The following MBNL2 variants were observed in gnomAD, a reference collection of about 807,000 sequenced individuals.
The protein encoded by MBNL2 is muscleblind-like protein 2.
In MBNL2, 17 loss-of-function variants were observed where a neutral mutation model predicts 41.9. The observed-to-expected ratio is 0.41, with a 90% CI of 0.28 to 0.61. MBNL2 has a LOEUF of 0.61. MBNL2 is among the 20% of genes least tolerant of loss of function. The pLI is 0.35. For synonymous variants in MBNL2, 195 were observed against 182.9 expected, an observed-to-expected ratio of 1.07 and a Z score of -0.53; for missense variants, 336 against 505.6, an observed-to-expected ratio of 0.66 and a Z score of 3.22.
intron 1 of MBNL2, among the ~76,000 whole-genome samples, chr13:97,263,096 G>C (rs752547840): frequency 6.6e-6 from 1 of 151,822 alleles, no homozygotes; most frequent in Non-Finnish European, 1.5e-5. Context: ...CTTGAAGTCC[G>C]TTTTGATCCA....
At chr13:97,172,894 G>C in the MBNL2 span, 3 of 152,046 alleles carry the variant, frequency 2.0e-5, no homozygotes, top group African/African-American at 7.3e-5. Context: ...GTTTAGCACA[G>C]AGTGGAGGCT....
At chr13:97,255,547 A>T (rs1025493301) in intron 1 of MBNL2, among the ~76,000 whole-genome samples, 3 of 152,168 alleles carry the variant, frequency 2.0e-5, no homozygotes, top group African/African-American at 7.2e-5. Context: ...CTAGCATGTG[A>T]CTGTGCAGGA....
the MBNL2 span, among the ~76,000 whole-genome samples, chr13:97,164,077 G>A: frequency 1.3e-5 from 2 of 152,160 alleles, no homozygotes; most frequent in Non-Finnish European, 2.9e-5. Flanking sequence ...CACAATCTTG[G>A]CTCACTGCAG....
At chr13:97,361,463 A>G (rs918562946) in intron 7 of MBNL2, among the ~76,000 whole-genome samples, 12 of 152,198 alleles carry the variant, frequency 7.9e-5, no homozygotes, top group African/African-American at 2.9e-4. Flanking sequence ...GAAGATCAGG[A>G]CCAGAATCTG....
intron 1 of MBNL2, among the ~76,000 whole-genome samples, chr13:97,264,788 T>C (rs1483726982): frequency 6.6e-6 from 1 of 152,142 alleles, no homozygotes; most frequent in Non-Finnish European, 1.5e-5. Context: ...CAGCTGAAAG[T>C]GGTTCTGTCC....
chr13:97,352,064 T>A (rs966583612), intron 5 of MBNL2, among the ~76,000 whole-genome samples: 12 of 141,062 alleles, frequency 8.5e-5, no homozygotes, highest in South Asian at 2.2e-4. Context: ...AAATAAATAA[T>A]AAATAAATAA....
intron 8 of MBNL2, among the ~76,000 whole-genome samples, chr13:97,387,744 G>A (rs564218776): frequency 1.4e-4 from 21 of 152,302 alleles, no homozygotes; most frequent in Admixed American, 8.5e-4. Flanking sequence ...AATTATGCAC[G>A]TCATCTTTTC....
chr13:97,154,690 A>G, the MBNL2 span, among the ~76,000 whole-genome samples: 9 of 152,228 alleles, frequency 5.9e-5, 1 homozygote, highest in South Asian at 1.0e-3. Context: ...AGGCAACACA[A>G]ACTAGAATTT....
At chr13:97,159,802 C>T in the MBNL2 span, among the ~76,000 whole-genome samples, 50 of 151,362 alleles carry the variant, frequency 3.3e-4, no homozygotes, top group South Asian at 3.0e-3. Context: ...GAGGGTAACC[C>T]GACCTTTCTC....
chr13:97,344,707 A>C (rs777328463), intron 4 of MBNL2, among the ~76,000 whole-genome samples: 4 of 152,236 alleles, frequency 2.6e-5, no homozygotes, highest in African/African-American at 4.8e-5. Context: ...CAGGACTGGA[A>C]AAGTGTTTTG....
chr13:97,333,950 A>AGAAAGAAG (rs1394421875), intron 2 of MBNL2, among the ~76,000 whole-genome samples: 2 of 136,220 alleles, frequency 1.5e-5, no homozygotes, highest in Admixed American at 7.5e-5. Context: ...AAGAAAAGAA[A>AGAAAGAAG]GAAAGAAGGA....
intron 5 of MBNL2, among the ~76,000 whole-genome samples, chr13:97,352,037 T>TAAAA (rs1227416095): frequency 2.8e-5 from 2 of 72,526 alleles, no homozygotes; most frequent in African/African-American, 4.1e-4. Flanking sequence ...AATAAAAATA[T>TAAAA]AAATAAATAA....
At chr13:97,232,893 G>T (rs1419862875) in intron 1 of MBNL2, among the ~76,000 whole-genome samples, 4 of 143,894 alleles carry the variant, frequency 2.8e-5, no homozygotes, top group African/African-American at 1.0e-4. Flanking sequence ...GTGTGTGTGC[G>T]CACGTACACT....
chr13:97,267,845 CAA>C (rs1159526863), intron 1 of MBNL2, among the ~76,000 whole-genome samples: 2 of 152,170 alleles, frequency 1.3e-5, no homozygotes, highest in Non-Finnish European at 2.9e-5. Flanking sequence ...TCAGTGAACT[CAA>C]AAGCCTGCAG....
At chr13:97,248,439 A>G (rs924276144) in intron 1 of MBNL2, among the ~76,000 whole-genome samples, 3 of 152,186 alleles carry the variant, frequency 2.0e-5, no homozygotes, top group African/African-American at 7.2e-5. Flanking sequence ...CCGGGGCCCC[A>G]TAATATTTCA....
At chr13:97,272,939 A>AT (rs1218590377) in intron 1 of MBNL2, among the ~76,000 whole-genome samples, 3 of 152,180 alleles carry the variant, frequency 2.0e-5, no homozygotes, top group Non-Finnish European at 2.9e-5. Context: ...AGGGGGAAAA[A>AT]ATATATATTT....
intron 3 of MBNL2, among the ~76,000 whole-genome samples, chr13:97,339,870 T>TG (rs1555316674): frequency 7.6e-4 from 61 of 80,476 alleles, no homozygotes; most frequent in Middle Eastern, 6.2e-3. Flanking sequence ...GATTTGTGTG[T>TG]GGGCGGGGGG....
At chr13:97,201,993 T>G in the MBNL2 span, among the ~76,000 whole-genome samples, 2 of 152,232 alleles carry the variant, frequency 1.3e-5, no homozygotes, top group African/African-American at 2.4e-5. Flanking sequence ...TATGACCTTA[T>G]AGTTAAATCA....
chr13:97,311,689 T>C (rs2058624980), intron 2 of MBNL2, among the ~76,000 whole-genome samples: 1 of 151,686 alleles, frequency 6.6e-6, no homozygotes, highest in Non-Finnish European at 1.5e-5. Flanking sequence ...CATGTGTAGA[T>C]GTGTGGTGCT....
Sources: gnomAD v4.1 joint callset for allele counts (sites outside exome capture counted in the v4.1 genomes callset) on GRCh38, gnomAD v4.1.1 for gene constraint, MANE v1.5 for transcripts, NCBI Gene and HGNC (gene_info 2026-07-23, HGNC 2026-07-21) for gene names.